TJP1: variants seen among roughly 807,000 people sequenced by gnomAD.
The protein encoded by TJP1 is tight junction protein ZO-1.
A neutral mutation model predicts 194.2 loss-of-function variants in TJP1; 43 were observed. The ratio of observed to expected loss-of-function variants is 0.22; its 90% confidence interval spans 0.17 to 0.29. The LOEUF (loss-of-function observed/expected upper bound fraction) is 0.29. Ranked by LOEUF, TJP1 falls within the 10% of genes least tolerant of loss-of-function variation. The pLI is 1.00. For synonymous variants in TJP1, 801 were observed against 779.0 expected, an observed-to-expected ratio of 1.03 and a Z score of -0.47; for missense variants, 1,971 against 2,185.7, an observed-to-expected ratio of 0.90 and a Z score of 1.96.
chr15:29,734,341 G>C lies in TJP1; in HGVS notation c.1449C>G (p.Ala483=), dbSNP rs543455376. 1.9e-6 allele frequency: 3 copies of C among 1,613,018 alleles called. No individual in the cohort carries two copies. Among genetic ancestry groups the C allele is most frequent in the Non-Finnish European group, 2.5e-6 (3 of 1,179,674 alleles). The change falls in exon 12 of 28, where the codon GCC becomes GCG. Residue 483 remains alanine (A), a synonymous_variant. Transcript: ENST00000614355. The part of the protein sequence containing the change: ...VDFTNIIREE[A]VLFLLDLPKG... Reference sequence around the variant, plus strand: ...TAGGGAGGTCAAGCAGGAAAAGGACGGCTTCTTCTCTTATGATATTTGTAA... The same window carrying C: ...TAGGGAGGTCAAGCAGGAAAAGGACCGCTTCTTCTCTTATGATATTTGTAA...
At chr15:29,825,868 C>G (rs1200412958), upstream of TJP1, among the ~76,000 whole-genome samples, 1 of 152,148 alleles carries the variant, frequency 6.6e-6, no homozygotes, top group Non-Finnish European at 1.5e-5. Context: ...GAATTTTCCT[C>G]TGCCAATAAA....
intron 2 of TJP1, among the ~76,000 whole-genome samples, chr15:29,834,489 A>AT (rs1296432396): frequency 6.6e-6 from 1 of 152,200 alleles, no homozygotes; most frequent in Non-Finnish European, 1.5e-5. Context: ...GAGTGCTGGG[A>AT]TTACAGGCAT....
intron 15 of TJP1, 50 bp from the exon 16 acceptor site, chr15:29,728,069 G>A: frequency 6.6e-7 from 1 of 1,512,304 alleles, no homozygotes; most frequent in Non-Finnish European, 9.2e-7. Flanking sequence ...TCACTGGTTA[G>A]ACAGGAGTTT....
chr15:29,967,952 G>T, intron 1 of TJP1: 1 of 555,478 alleles, frequency 1.8e-6, no homozygotes. Flanking sequence ...TAAATCTCAA[G>T]CCAGTGGCAT....
chr15:29,764,273 C>G (rs1221810865), intron 5 of TJP1, among the ~76,000 whole-genome samples: 1 of 152,114 alleles, frequency 6.6e-6, no homozygotes, highest in Non-Finnish European at 1.5e-5. Flanking sequence ...CTAAGAAAGA[C>G]CTAAACCTGA....
chr15:29,873,203 C>T (rs1166119138), intron 2 of TJP1, among the ~76,000 whole-genome samples: 1 of 152,196 alleles, frequency 6.6e-6, no homozygotes, highest in East Asian at 1.9e-4. Context: ...CTGGGAGCTT[C>T]AAGCATTTCT....
intron 20 of TJP1, 129 bp from the exon 21 acceptor site, chr15:29,719,267 G>C: frequency 8.8e-7 from 1 of 1,138,748 alleles, no homozygotes; most frequent in Non-Finnish European, 1.2e-6. Context: ...TTATTATCAG[G>C]ATAGACAAGA....
chr15:29,876,317 C>T (rs1043813534), intron 2 of TJP1, among the ~76,000 whole-genome samples: 26 of 152,126 alleles, frequency 1.7e-4, no homozygotes, highest in African/African-American at 5.5e-4. Context: ...GTTAGGAGTT[C>T]GAAACCAGCT....
chr15:29,822,543 AGGCGG>A (rs1187445011), upstream of TJP1: 11 of 759,772 alleles, frequency 1.4e-5, no homozygotes, highest in African/African-American at 3.9e-5. Context: ...AGGCGAGGCG[AGGCGG>A]GGAGGGGGCG....
intron 2 of TJP1, among the ~76,000 whole-genome samples, chr15:29,852,796 C>T (rs772358748): frequency 6.6e-5 from 10 of 151,544 alleles, no homozygotes; most frequent in African/African-American, 1.2e-4. Context: ...CCCAGCTACT[C>T]GGGAGGCTGA....
chr15:29,864,999 TAA>T (rs1440821684), intron 2 of TJP1, among the ~76,000 whole-genome samples: 2 of 152,170 alleles, frequency 1.3e-5, no homozygotes, highest in African/African-American at 4.8e-5. Flanking sequence ...AGTGACACAC[TAA>T]GAGTACCCTT....
At chr15:29,890,228 A>G (rs1200038083) in intron 2 of TJP1, among the ~76,000 whole-genome samples, 5 of 152,130 alleles carry the variant, frequency 3.3e-5, no homozygotes, top group Non-Finnish European at 5.9e-5. Flanking sequence ...AGGAAATGAG[A>G]TTTTTCTCCT....
chr15:29,800,812 TAA>T (rs1464316133), intron 1 of TJP1, 110 bp from the exon 2 acceptor site: 2 of 1,060,564 alleles, frequency 1.9e-6, no homozygotes, highest in Non-Finnish European at 2.8e-6. Context: ...AATTCACAGT[TAA>T]TATTAGAGAC....
At position 29,934,830 on chromosome 15, in the gene TJP1, G is replaced by A. The variant is rs536368154; in HGVS notation, c.306+21402C>T. Among the ~76,000 whole-genome samples the A allele has an allele frequency of 2.0e-5, 3 of 152,298 alleles. No homozygotes were observed. The South Asian group carries it at 6.2e-4, about 32-fold the overall frequency. On this transcript the variant is annotated intron_variant, in intron 2 of 28. Transcript: ENST00000356107. ...TAGCTTTGCTATGAGTAGTGTGAAG[G>A]GTTGATGTGACTTGAGGAAGCAAAG... is the stretch of plus-strand genomic sequence containing the variant.
chr15:29,828,088 G>C (rs767918452), intron 2 of TJP1, among the ~76,000 whole-genome samples: 5 of 152,156 alleles, frequency 3.3e-5, no homozygotes, highest in Non-Finnish European at 7.3e-5. Context: ...GGAATACCAT[G>C]ATCTAAGCCT....
At chr15:29,880,904 G>A (rs2052903622) in intron 2 of TJP1, among the ~76,000 whole-genome samples, 1 of 152,152 alleles carries the variant, frequency 6.6e-6, no homozygotes, top group African/African-American at 2.4e-5. Context: ...CAACAAACAT[G>A]GGAGTGCAAA....
chr15:29,940,254 C>T (rs2055023112), intron 2 of TJP1, among the ~76,000 whole-genome samples: 1 of 152,166 alleles, frequency 6.6e-6, no homozygotes, highest in Admixed American at 6.5e-5. Context: ...TGATTCCTTT[C>T]CTCTTGGTTT....
chr15:29,763,135 G>A (rs2046113471), intron 5 of TJP1, among the ~76,000 whole-genome samples: 1 of 152,112 alleles, frequency 6.6e-6, no homozygotes, highest in Non-Finnish European at 1.5e-5. Flanking sequence ...ATGTGGGCAG[G>A]AGTTATAATG....
Position 29,773,308 on chromosome 15 carries a change from G to A in TJP1, c.134C>T (p.Pro45Leu). 3 of 1,613,850 alleles carry A rather than the reference G, an allele frequency of 1.9e-6. No individual in the cohort carries two copies. The highest frequency in any genetic ancestry group is 2.5e-6 in the Non-Finnish European group (3 of 1,179,884). ...GIAISGGRDNPHFQSGETSIV... is the reference protein window; with the variant it reads ...GIAISGGRDNLHFQSGETSIV... ...TGACGTTTCCCCACTCTGAAAATGA[G>A]GATTATCTCGTCCACCAGATATTGC... Residue 45 changes from proline (P) to leucine (L), a missense_variant, in exon 3 of 28, where the codon CCT becomes CTT. Pro to Leu is a moderately conservative substitution (Grantham distance 98). This residue lies in a region of TJP1 where 245 missense variants were observed against 336.6 expected (regional missense o/e 0.73). Coordinates refer to ENST00000614355, the MANE Select transcript of TJP1 (RefSeq NM_001330239.4).
Sources: allele counts gnomAD v4.1 joint callset (sites outside exome capture counted in the v4.1 genomes callset), GRCh38; gene constraint gnomAD v4.1.1; regional missense constraint gnomAD v4.1.1; transcripts MANE v1.5; gene names NCBI Gene and HGNC (gene_info 2026-07-23, HGNC 2026-07-21).